Variants in HS6ST3 observed in about 807,000 individuals in gnomAD.
The protein encoded by HS6ST3 is heparan-sulfate 6-O-sulfotransferase 3.
A neutral mutation model predicts 36.7 loss-of-function variants in HS6ST3; 12 were observed. That is an observed-to-expected ratio of 0.33 (90% confidence interval 0.21 to 0.53). The LOEUF is 0.53. HS6ST3 is among the 20% of genes least tolerant of loss of function. The pLI is 0.95. For missense variants in HS6ST3, 584 were observed against 640.9 expected (o/e 0.91, Z 0.96); for synonymous variants, 240 against 257.5 (o/e 0.93, Z 0.65).
chr13:96,428,414 C>T (rs528410955), intron 1 of HS6ST3, among the ~76,000 whole-genome samples: 1 of 152,284 alleles, frequency 6.6e-6, no homozygotes, highest in African/African-American at 2.4e-5. Flanking sequence ...TCTCAGAGTT[C>T]TGGAGACTGG....
chr13:96,541,583 A>T (rs1252894318), intron 1 of HS6ST3, among the ~76,000 whole-genome samples: 2 of 152,222 alleles, frequency 1.3e-5, no homozygotes, highest in Non-Finnish European at 2.9e-5. Flanking sequence ...TTAACAACGT[A>T]TATAGTGCCT....
At chr13:96,161,715 A>G (rs1014585329) in intron 1 of HS6ST3, among the ~76,000 whole-genome samples, 2 of 152,202 alleles carry the variant, frequency 1.3e-5, no homozygotes, top group African/African-American at 4.8e-5. Context: ...GAATGATTAT[A>G]AAACCAACAA....
chr13:96,281,143 C>G, intron 1 of HS6ST3, among the ~76,000 whole-genome samples: 1 of 152,006 alleles, frequency 6.6e-6, no homozygotes, highest in East Asian at 1.9e-4. Context: ...GTACCTGGGA[C>G]TACAGGTGCG....
intron 1 of HS6ST3, among the ~76,000 whole-genome samples, chr13:96,164,114 G>A (rs538148475): frequency 3.9e-5 from 6 of 152,160 alleles, no homozygotes; most frequent in African/African-American, 1.4e-4. Flanking sequence ...AATGGGATTA[G>A]GGTTTCTGCT....
intron 1 of HS6ST3, among the ~76,000 whole-genome samples, chr13:96,750,666 A>G (rs1738573876): frequency 6.6e-6 from 1 of 152,198 alleles, no homozygotes; most frequent in South Asian, 2.1e-4. Context: ...TCTGACCCCT[A>G]TGCCTTCTGT....
At chr13:96,306,141 G>A (rs1353637546) in intron 1 of HS6ST3, among the ~76,000 whole-genome samples, 4 of 137,350 alleles carry the variant, frequency 2.9e-5, no homozygotes, top group Non-Finnish European at 6.1e-5. Context: ...GTCTCGTTCT[G>A]TCACCAGGCT....
intron 1 of HS6ST3, among the ~76,000 whole-genome samples, chr13:96,313,663 G>T (rs2054953024): frequency 1.3e-5 from 2 of 152,106 alleles, no homozygotes; most frequent in African/African-American, 4.8e-5. Flanking sequence ...CAGATATTCT[G>T]TTCCTCACTG....
chr13:96,716,030 A>G (rs1875687422), intron 1 of HS6ST3, among the ~76,000 whole-genome samples: 1 of 152,088 alleles, frequency 6.6e-6, no homozygotes, highest in Admixed American at 6.6e-5. Flanking sequence ...CTAAAAATCA[A>G]AATTAATAAA....
At chr13:96,288,777 T>A (rs2054815926) in intron 1 of HS6ST3, among the ~76,000 whole-genome samples, 1 of 152,102 alleles carries the variant, frequency 6.6e-6, no homozygotes, top group Admixed American at 6.5e-5. Context: ...TATTTTGCTC[T>A]TATTATTAAC....
chr13:96,768,405 G>A (rs1378938068), intron 1 of HS6ST3, among the ~76,000 whole-genome samples: 6 of 152,208 alleles, frequency 3.9e-5, no homozygotes, highest in Non-Finnish European at 8.8e-5. Context: ...GTACATTTAA[G>A]TACACGTATA....
chr13:96,306,219 T>C (rs2054912462), intron 1 of HS6ST3, among the ~76,000 whole-genome samples: 1 of 151,274 alleles, frequency 6.6e-6, no homozygotes, highest in Non-Finnish European at 1.5e-5. Flanking sequence ...TTCTCCTCCC[T>C]CAGCCTCCCA....
At chr13:96,514,827 C>G (rs570669744) in intron 1 of HS6ST3, among the ~76,000 whole-genome samples, 2 of 152,306 alleles carry the variant, frequency 1.3e-5, no homozygotes, top group South Asian at 4.1e-4. Flanking sequence ...AGTTATTCAT[C>G]AAACTGTTTG....
chr13:96,717,056 C>T (rs970432642), intron 1 of HS6ST3, among the ~76,000 whole-genome samples: 3 of 152,116 alleles, frequency 2.0e-5, no homozygotes, highest in Admixed American at 2.0e-4. Context: ...TGCACAGAAA[C>T]AGGGCAGCAC....
chr13:96,415,841 G>A (rs890944779), intron 1 of HS6ST3, among the ~76,000 whole-genome samples: 4 of 152,194 alleles, frequency 2.6e-5, no homozygotes, highest in African/African-American at 9.7e-5. Flanking sequence ...TATATAAAGG[G>A]AGGATCATAT....
chr13:96,343,835 T>A (rs761598383), intron 1 of HS6ST3, among the ~76,000 whole-genome samples: 6 of 152,142 alleles, frequency 3.9e-5, no homozygotes, highest in Non-Finnish European at 5.9e-5. Context: ...CTCCGCCTCC[T>A]GGGTTCACGT....
intron 1 of HS6ST3, among the ~76,000 whole-genome samples, chr13:96,800,290 C>T (rs572974863): frequency 5.8e-4 from 87 of 150,832 alleles, no homozygotes; most frequent in African/African-American, 2.0e-3. Context: ...TTTCTTCTGT[C>T]CCTCAGTGTT....
chr13:96,678,088 C>A (rs548613295), intron 1 of HS6ST3, among the ~76,000 whole-genome samples: 10 of 152,014 alleles, frequency 6.6e-5, no homozygotes, highest in Non-Finnish European at 1.2e-4. Context: ...CATCTTGCTG[C>A]ATTATTCCCT....
chr13:96,291,807 A>G (rs985729598), intron 1 of HS6ST3, among the ~76,000 whole-genome samples: 8 of 152,314 alleles, frequency 5.3e-5, no homozygotes, highest in South Asian at 2.1e-4. Context: ...TTCTATTCCA[A>G]TGAAATCAAT....
intron 1 of HS6ST3, among the ~76,000 whole-genome samples, chr13:96,650,419 G>C (rs534132633): frequency 1.9e-4 from 29 of 151,906 alleles, no homozygotes; most frequent in Non-Finnish European, 3.8e-4. Flanking sequence ...CTATATCGAA[G>C]TCATTCCTCT....
Sources: gnomAD v4.1 joint callset for allele counts (sites outside exome capture counted in the v4.1 genomes callset) on GRCh38, gnomAD v4.1.1 for gene constraint, MANE v1.5 for transcripts, NCBI Gene and HGNC (gene_info 2026-07-23, HGNC 2026-07-21) for gene names.